Variants in SCUBE1 observed in about 807,000 individuals in gnomAD.
SCUBE1 encodes the protein signal peptide, CUB domain and EGF like domain containing 1.
A neutral mutation model predicts 124.4 loss-of-function variants in SCUBE1; 59 were observed. That is an observed-to-expected ratio of 0.47 (90% CI 0.38 to 0.59). SCUBE1 has a LOEUF of 0.59. SCUBE1 is among the 20% of genes least tolerant of loss of function. The pLI is 0.00. For missense variants in SCUBE1, 1,150 were observed against 1,371.2 expected (o/e 0.84, Z 2.55); for synonymous variants, 545 against 550.9 (o/e 0.99, Z 0.15).
In SCUBE1 at chr22:43,253,297, G is replaced by A. The variant is rs539661466; in HGVS notation, c.727+4922C>T. ...AGATGGTGCTAAGAATGATGAGCTC[G>A]TGAGAGAGGGGCTCACTTGTGCTCT... On this transcript the variant is annotated intron_variant, in intron 6 of 21. Transcript: ENST00000360835. Among the ~76,000 whole-genome samples the A allele has an allele frequency of 3.3e-5, 5 of 152,330 alleles. No homozygotes were observed. In the East Asian group the frequency reaches 5.8e-4, roughly 18 times the overall value.
At chr22:43,296,132 G>C (rs145271458) in intron 3 of SCUBE1, among the ~76,000 whole-genome samples, 42 of 152,230 alleles carry the variant, frequency 2.8e-4, no homozygotes, top group Non-Finnish European at 5.6e-4. Context: ...TAGAGTGAGC[G>C]AGGCTGCTCT....
At chr22:43,223,740 G>A (rs1383046243) in intron 10 of SCUBE1, among the ~76,000 whole-genome samples, 1 of 152,208 alleles carries the variant, frequency 6.6e-6, no homozygotes, top group Non-Finnish European at 1.5e-5. Context: ...CTACAGCCAT[G>A]GTAAATACCA....
At chr22:43,315,106 A>T (rs1424554576) in intron 3 of SCUBE1, among the ~76,000 whole-genome samples, 2 of 152,116 alleles carry the variant, frequency 1.3e-5, no homozygotes, top group Non-Finnish European at 2.9e-5. Context: ...GACAAACCAA[A>T]CATGTCTGTG....
chr22:43,245,553 C>G (rs944600613), intron 6 of SCUBE1, among the ~76,000 whole-genome samples: 5 of 152,132 alleles, frequency 3.3e-5, no homozygotes, highest in Admixed American at 2.0e-4. Context: ...CAGGACACCC[C>G]GGCAGGCTCC....
At position 43,212,551 on chromosome 22, in the gene SCUBE1, G is replaced by A; in HGVS notation, c.2095C>T (p.Pro699Ser). Reference protein sequence around the residue: ...PGFFSADGFKPCQACPVGTYQ... With the variant: ...PGFFSADGFKSCQACPVGTYQ... ...GTGCCCACGGGGCAGGCCTGGCAGGGCTTGAAGCCATCGGCCGAGAAGAAG... is the reference window on the plus strand; with the variant it reads ...GTGCCCACGGGGCAGGCCTGGCAGGACTTGAAGCCATCGGCCGAGAAGAAG... Residue 699 changes from proline (P) to serine (S), a missense_variant, in exon 17 of 22, where the codon CCC (proline) becomes TCC (serine). Around this residue, in one of 3 missense-constraint regions of SCUBE1, gnomAD observed 757 missense variants for 840.9 expected, o/e 0.90. Transcript: ENST00000360835. 1 of 1,564,906 alleles carries A rather than the reference G, an allele frequency of 6.4e-7. No individual in the cohort carries two copies. The highest frequency in any genetic ancestry group is 1.2e-5 in the South Asian group (1 of 84,780).
chr22:43,254,144 A>C (rs1476354110), intron 6 of SCUBE1, among the ~76,000 whole-genome samples: 1 of 152,232 alleles, frequency 6.6e-6, no homozygotes, highest in African/African-American at 2.4e-5. Flanking sequence ...AGAGAATTTG[A>C]GGAGAACTAG....
chr22:43,295,239 G>A (rs971077148), intron 3 of SCUBE1, among the ~76,000 whole-genome samples: 1 of 152,200 alleles, frequency 6.6e-6, no homozygotes, highest in Non-Finnish European at 1.5e-5. Context: ...CCTCCTCCGT[G>A]TAGTCTTTCT....
chr22:43,235,542 C>T (rs1268600489), intron 7 of SCUBE1, among the ~76,000 whole-genome samples: 2 of 151,796 alleles, frequency 1.3e-5, no homozygotes, highest in African/African-American at 4.8e-5. Context: ...CAGAGCACTG[C>T]AGAGGGGGAA....
chr22:43,266,402 C>T (rs1443905604), intron 4 of SCUBE1, among the ~76,000 whole-genome samples: 1 of 152,202 alleles, frequency 6.6e-6, no homozygotes, highest in Non-Finnish European at 1.5e-5. Flanking sequence ...TTCCGAAGCA[C>T]TCATCAGCTC....
intron 1 of SCUBE1, among the ~76,000 whole-genome samples, chr22:43,341,099 AC>A (rs1569038983): frequency 6.6e-6 from 1 of 151,714 alleles, no homozygotes; most frequent in Non-Finnish European, 1.5e-5. Flanking sequence ...ACACACACAC[AC>A]ATGCATGCAC....
chr22:43,340,703 C>G (rs1033277065), intron 1 of SCUBE1, among the ~76,000 whole-genome samples: 2 of 152,122 alleles, frequency 1.3e-5, no homozygotes, highest in African/African-American at 4.8e-5. Context: ...GACTCTGACA[C>G]AGAATGAGCT....
At chr22:43,206,443 T>A (rs1038061503) in intron 21 of SCUBE1, among the ~76,000 whole-genome samples, 14 of 152,050 alleles carry the variant, frequency 9.2e-5, no homozygotes, top group African/African-American at 3.1e-4. Context: ...AGACAGATGC[T>A]CCTGCCCTCC....
At chr22:43,335,065 G>C (rs73424092) in intron 2 of SCUBE1, among the ~76,000 whole-genome samples, 7,226 of 152,246 alleles carry the variant, frequency 0.047, 479 homozygotes, top group African/African-American at 0.15. Flanking sequence ...GGAGAAACAG[G>C]TCTGTCAAAC....
At chr22:43,239,135 C>T (rs1351519360) in intron 6 of SCUBE1, 181 bp from the exon 7 acceptor site, 3 of 601,850 alleles carry the variant, frequency 5.0e-6, no homozygotes, top group Non-Finnish European at 8.9e-6. Flanking sequence ...CCTCAAGCTC[C>T]CCATCTGTGA....
intron 19 of SCUBE1, among the ~76,000 whole-genome samples, chr22:43,208,882 C>A (rs1921413571): frequency 6.6e-6 from 1 of 152,210 alleles, no homozygotes; most frequent in Non-Finnish European, 1.5e-5. Context: ...CCTCTCCCCG[C>A]TTAAGGGCTC....
chr22:43,326,893 T>A (rs1191341830), intron 2 of SCUBE1, among the ~76,000 whole-genome samples: 1 of 152,004 alleles, frequency 6.6e-6, no homozygotes, highest in African/African-American at 2.4e-5. Context: ...CATCACCTCC[T>A]CCCTGAAGCT....
chr22:43,320,996 C>T (rs1926526026), intron 2 of SCUBE1, among the ~76,000 whole-genome samples: 2 of 152,190 alleles, frequency 1.3e-5, no homozygotes, highest in Non-Finnish European at 2.9e-5. Context: ...CCCCCTGAGA[C>T]CCCTCTGGCC....
intron 12 of SCUBE1, among the ~76,000 whole-genome samples, chr22:43,222,258 C>T (rs1234342342): frequency 6.6e-6 from 1 of 152,230 alleles, no homozygotes; most frequent in African/African-American, 2.4e-5. Context: ...CACCTCGGCG[C>T]TTCTTGGCAT....
intron 6 of SCUBE1, among the ~76,000 whole-genome samples, chr22:43,246,116 C>G (rs1109662): frequency 0.15 from 22,971 of 152,148 alleles, 1,996 homozygotes; most frequent in Admixed American, 0.24. Flanking sequence ...TGAGGGGTCC[C>G]GAGTGCCCCT....
Sources: gnomAD v4.1 joint callset for allele counts (sites outside exome capture counted in the v4.1 genomes callset) on GRCh38, gnomAD v4.1.1 for gene constraint, gnomAD v4.1.1 regional missense constraint, MANE v1.5 for transcripts, NCBI Gene and HGNC (gene_info 2026-07-23, HGNC 2026-07-21) for gene names.